BIRC6: variants seen among roughly 807,000 people sequenced by gnomAD.
BIRC6 encodes baculoviral IAP repeat containing 6, also known as dual E2 ubiquitin-conjugating enzyme/E3 ubiquitin-protein ligase BIRC6.
Under a neutral mutation model 503.3 loss-of-function variants are expected in BIRC6, and 98 were observed. The observed-to-expected ratio is 0.19, with a 90% CI of 0.17 to 0.23. The LOEUF (loss-of-function observed/expected upper bound fraction) is 0.23, where lower values mean the gene tolerates loss of function less well. BIRC6 is among the 10% of genes least tolerant of loss of function. The pLI, the probability that BIRC6 is intolerant of heterozygous loss-of-function variation, is 1.00. For synonymous variants in BIRC6, 2,240 were observed against 2,078.7 expected, an observed-to-expected ratio of 1.08 and a Z score of -2.11; for missense variants, 5,360 against 5,806.0, an observed-to-expected ratio of 0.92 and a Z score of 2.50.
At chr2:32,463,428 A>C in intron 24 of BIRC6, 47 bp downstream of exon 24, 1 of 1,487,602 alleles carries the variant, frequency 6.7e-7, no homozygotes, top group Non-Finnish European at 9.0e-7. Flanking sequence ...TAAACTTCAA[A>C]AGCTGAAAAA....
chr2:32,440,456 A>G (rs1455689115), intron 16 of BIRC6, among the ~76,000 whole-genome samples: 4 of 152,254 alleles, frequency 2.6e-5, no homozygotes, highest in East Asian at 3.9e-4. Context: ...GCTCCTTACA[A>G]TTGACTTATC....
At chr2:32,590,436 A>G (rs1016647392) in intron 66 of BIRC6, among the ~76,000 whole-genome samples, 2 of 152,180 alleles carry the variant, frequency 1.3e-5, no homozygotes, top group Admixed American at 6.6e-5. Context: ...AGGAGTGCAA[A>G]GGGTTAAAGG....
intron 2 of BIRC6, 70 bp from the exon 3 acceptor site, chr2:32,380,083 C>A: frequency 9.0e-7 from 1 of 1,108,228 alleles, no homozygotes; most frequent in Non-Finnish European, 1.2e-6. Context: ...GAAAGAGGAT[C>A]TGAATTTAAT....
intron 9 of BIRC6, among the ~76,000 whole-genome samples, chr2:32,412,152 C>T (rs1318763135): frequency 6.6e-6 from 1 of 152,032 alleles, no homozygotes; most frequent in Non-Finnish European, 1.5e-5. Context: ...AGTATAGAAA[C>T]TGAGTTCTGA....
Position 32,594,029 on chromosome 2 carries a change from A to G in BIRC6, c.13470A>G (p.Ala4490=), listed in dbSNP as rs1208204428. ...AAAAGACTGCTGAGATAGTTTATGC[A>G]GCCACCACCAGTTTGCGGCAAGCAA... ...DIQKTAEIVY[A]ATTSLRQANQ... is the part of the protein sequence containing the mutation. Residue 4490 remains alanine (A), a synonymous_variant, in exon 67 of 74, where the codon GCA becomes GCG. Transcript: ENST00000421745. 1 of 1,612,002 alleles carries G rather than the reference A, an allele frequency of 6.2e-7. No individual in the cohort carries two copies. The highest frequency in any genetic ancestry group is 8.5e-7 in the Non-Finnish European group (1 of 1,179,064).
intron 66 of BIRC6, among the ~76,000 whole-genome samples, chr2:32,583,077 T>A (rs116515333): frequency 0.016 from 2,509 of 152,298 alleles, 51 homozygotes; most frequent in African/African-American, 0.058. Flanking sequence ...AGTACTCTGA[T>A]GGGATTGATA....
intron 61 of BIRC6, among the ~76,000 whole-genome samples, chr2:32,534,383 A>AG (rs2057030242): frequency 2.0e-5 from 3 of 151,220 alleles, no homozygotes; most frequent in South Asian, 4.2e-4. Context: ...TCAAAAAAAA[A>AG]AAAAAAAAGA....
intron 44 of BIRC6, among the ~76,000 whole-genome samples, chr2:32,492,985 T>A (rs539807594): frequency 6.6e-6 from 1 of 152,066 alleles, no homozygotes; most frequent in African/African-American, 2.4e-5. Context: ...TTCACTATCA[T>A]TTCTTTCATT....
At chr2:32,400,386 T>C (rs1434694869) in intron 6 of BIRC6, among the ~76,000 whole-genome samples, 1 of 148,912 alleles carries the variant, frequency 6.7e-6, no homozygotes, top group Non-Finnish European at 1.5e-5. Context: ...TTGCCCAGGC[T>C]GGAGTGCAGT....
intron 71 of BIRC6, among the ~76,000 whole-genome samples, chr2:32,605,598 T>G (rs1235035548): frequency 6.6e-6 from 1 of 152,186 alleles, no homozygotes; most frequent in East Asian, 1.9e-4. Context: ...GCGAGGTGAC[T>G]CTTGCCTGTA....
At chr2:32,381,406 A>G (rs575143147) in intron 3 of BIRC6, among the ~76,000 whole-genome samples, 40 of 150,872 alleles carry the variant, frequency 2.7e-4, no homozygotes, top group Admixed American at 9.9e-4. Context: ...CGCCTGGCAA[A>G]TTTTGTATTT....
chr2:32,480,724 C>G (rs546843118), intron 37 of BIRC6, among the ~76,000 whole-genome samples: 69 of 144,500 alleles, frequency 4.8e-4, no homozygotes, highest in African/African-American at 1.7e-3. Context: ...TCACTGCACC[C>G]TCTGCCTCCT....
chr2:32,579,961 T>G (rs1227094776), intron 66 of BIRC6, among the ~76,000 whole-genome samples: 1 of 151,142 alleles, frequency 6.6e-6, no homozygotes, highest in Non-Finnish European at 1.5e-5. Context: ...GCAGGTTTTT[T>G]TTTTTTTTTT....
chr2:32,383,767 G>T (rs2038038175), intron 3 of BIRC6, among the ~76,000 whole-genome samples: 2 of 151,992 alleles, frequency 1.3e-5, no homozygotes, highest in Admixed American at 1.3e-4. Context: ...CCTGACCTCA[G>T]GTGATCCAAC....
intron 61 of BIRC6, among the ~76,000 whole-genome samples, chr2:32,541,027 T>C (rs767375991): frequency 9.2e-5 from 14 of 152,066 alleles, no homozygotes; most frequent in Non-Finnish European, 1.8e-4. Context: ...ATGCTATAAA[T>C]TGAGAGCTCT....
At position 32,509,723 on chromosome 2, in the gene BIRC6, AT is replaced by A; in HGVS notation, c.9981-11del. 1 of 1,613,494 alleles carries A rather than the reference AT, an allele frequency of 6.2e-7. No individual in the cohort carries two copies. Among genetic ancestry groups the A allele is most frequent in the South Asian group, 1.1e-5 (1 of 90,948 alleles). ...GCGACTTATATTGATCATACAAGTC[AT>A]TTTGTATTTTCAGTATTGGATGGTT... On this transcript the variant is annotated splice_polypyrimidine_tract_variant and intron_variant, in intron 51 of 73. Coordinates refer to ENST00000421745, the MANE Select transcript of BIRC6 (RefSeq NM_016252.4).
chr2:32,597,276 T>TA (rs2151457657), intron 68 of BIRC6, among the ~76,000 whole-genome samples: 1 of 152,336 alleles, frequency 6.6e-6, no homozygotes, highest in East Asian at 1.9e-4. Flanking sequence ...TGGCTTTCAT[T>TA]ACCTGTAAAT....
intron 32 of BIRC6, chr2:32,472,886 G>A: frequency 2.8e-6 from 1 of 358,536 alleles, no homozygotes; most frequent in African/African-American, 2.1e-5. Flanking sequence ...TGGAGACAGA[G>A]GGAACTCTGG....
intron 71 of BIRC6, among the ~76,000 whole-genome samples, chr2:32,603,910 T>A (rs1012345102): frequency 2.0e-5 from 3 of 151,602 alleles, no homozygotes; most frequent in Non-Finnish European, 4.4e-5. Flanking sequence ...TGTATGTTTT[T>A]ATGTTAATTA....
Sources: allele counts gnomAD v4.1 joint callset (sites outside exome capture counted in the v4.1 genomes callset), GRCh38; gene constraint gnomAD v4.1.1; transcripts MANE v1.5; gene names NCBI Gene and HGNC (gene_info 2026-07-23, HGNC 2026-07-21).